The following SLC19A1 variants were observed in gnomAD, a reference collection of about 807,000 sequenced individuals.
SLC19A1 encodes solute carrier family 19 member 1.
A neutral mutation model predicts 35.3 loss-of-function variants in SLC19A1; 37 were observed. The observed-to-expected ratio is 1.05, with a 90% CI of 0.81 to 1.38. The LOEUF (loss-of-function observed/expected upper bound fraction) is 1.38. Among genes scored for constraint, SLC19A1 ranks in the 40% most tolerant of loss-of-function variants. SLC19A1 has a pLI of 0.00. For synonymous variants in SLC19A1, 460 were observed against 398.5 expected (o/e 1.15, Z -1.84); for missense variants, 831 against 826.9 (o/e 1.00, Z -0.06).
intron 3 of SLC19A1, chr21:45,504,133 C>G (rs896175759): frequency 6.7e-7 from 1 of 1,501,792 alleles, no homozygotes; most frequent in African/African-American, 1.4e-5. Context: ...ATTTCTCGCC[C>G]CATCCGGCCC....
At chr21:45,545,504 G>A (rs564171657), upstream of SLC19A1, among the ~76,000 whole-genome samples, 1 of 152,028 alleles carries the variant, frequency 6.6e-6, no homozygotes, top group African/African-American at 2.4e-5. Flanking sequence ...TGTACAGCCT[G>A]CAGAACCGTG....
chr21:45,543,751 G>A (rs2078378465), upstream of SLC19A1: 1 of 152,426 alleles, frequency 6.6e-6, no homozygotes, highest in South Asian at 2.1e-4. Context: ...GAATTTAAGG[G>A]AACACTACAG....
At chr21:45,536,333 C>T (rs1379805516) in intron 2 of SLC19A1, 4 of 152,720 alleles carry the variant, frequency 2.6e-5, no homozygotes. Context: ...TAATGCTCAC[C>T]CCTATAAATA....
chr21:45,525,694 C>T (rs879231330), intron 5 of SLC19A1, 123 bp downstream of exon 5: 1 of 1,113,548 alleles, frequency 9.0e-7, no homozygotes, highest in Non-Finnish European at 1.3e-6. Context: ...CTGGAAGCCC[C>T]AGGCCCGCAC....
chr21:45,511,239 T>C, downstream of SLC19A1: 1 of 1,440,802 alleles, frequency 6.9e-7, no homozygotes, highest in Non-Finnish European at 9.6e-7. Context: ...AGGTTCCCAG[T>C]GCCGTGTGAG....
rs1337112384 is a variant in SLC19A1, at chr21:45,517,122, G to C, written c.1294-982C>G. 1.3e-5 allele frequency among the ~76,000 whole-genome samples: 2 copies of C among 152,184 alleles called. No individual in the cohort carries two copies. Among genetic ancestry groups the C allele is most frequent in the Non-Finnish European group, 2.9e-5 (2 of 68,032 alleles). ...TGGGGAGCTGTGCCACGCAAGGACA[G>C]ACTGTGCCACGCAGAGCTCCCTGGG... On this transcript the variant is annotated intron_variant, in intron 5 of 5. Coordinates refer to ENST00000311124, the MANE Select transcript of SLC19A1 (RefSeq NM_194255.4). The surrounding 1 kb of genome is among the most constrained non-coding windows in gnomAD (Gnocchi z 4.4).
chr21:45,518,172 G>A (rs553436156), intron 5 of SLC19A1, among the ~76,000 whole-genome samples: 1 of 152,148 alleles, frequency 6.6e-6, no homozygotes, highest in South Asian at 2.1e-4. Context: ...CAAAGAAATA[G>A]GAGAAATAAA....
downstream of SLC19A1, among the ~76,000 whole-genome samples, chr21:45,509,099 G>A (rs963579920): frequency 2.0e-5 from 3 of 152,128 alleles, no homozygotes; most frequent in African/African-American, 4.8e-5. Context: ...CGTGGTGAGT[G>A]ATTGCTGCGG....
chr21:45,504,199 G>T, intron 3 of SLC19A1: 2 of 1,015,002 alleles, frequency 2.0e-6, no homozygotes, highest in Non-Finnish European at 3.0e-6. Flanking sequence ...GGTGTCGAGG[G>T]CGTCCCTCAG....
Position 45,526,606 on chromosome 21 carries a change from C to T in SLC19A1, c.1152-648G>A, listed in dbSNP as rs28665979. ...TGTTATTTTTTTTTAGATGGAGTCT[C>T]GCTCTGTTGCCCAGGCGTGCAATGG... On this transcript the variant is annotated intron_variant, in intron 4 of 5. Coordinates refer to ENST00000311124, the MANE Select transcript of SLC19A1 (RefSeq NM_194255.4). 7.7e-3 allele frequency among the ~76,000 whole-genome samples: 1,168 copies of T among 152,298 alleles called. 14 individuals carry two copies. Among genetic ancestry groups the T allele is most frequent in the African/African-American group, 0.027 (1,124 of 41,556 alleles).
chr21:45,505,486 G>T lies in SLC19A1; in HGVS notation c.498-6874C>A, dbSNP rs1370063170. ...TGCGTCCCGTGCCCTGGCTGGTTCT[G>T]CAGCCCCTGCCCCTCAGAGACACTC... On this transcript the variant is annotated intron_variant, in intron 3 of 4. Coordinates refer to the SLC19A1 transcript ENST00000417954. 2.3e-5 allele frequency: 21 copies of T among 907,790 alleles called. No homozygotes were observed. In the South Asian group the frequency reaches 2.9e-4, roughly 13 times the overall value. The allele number at this position is 907,790 out of a possible 1,614,324, so 56.2% of individuals were successfully genotyped here. A position where few individuals can be genotyped will look rare whatever the true frequency, so the allele number is the denominator to read the frequency against.
intron 1 of SLC19A1, among the ~76,000 whole-genome samples, chr21:45,538,361 G>C (rs1182448447): frequency 6.6e-6 from 1 of 152,242 alleles, no homozygotes; most frequent in Non-Finnish European, 1.5e-5. Context: ...GGCCACACTA[G>C]ACTCATGGCA....
rs2146513801 is a variant in SLC19A1 at position 45,558,096 on chromosome 21, T to C, written c.-50+4646A>G. ...ACAGCGGCGGCATCGTCTCCAAGCC[T>C]GGGCTCAGTGGTTAGCACGTCCCGT... On this transcript the variant is annotated intron_variant, in intron 1 of 5. Coordinates refer to the SLC19A1 transcript ENST00000650808. Among the ~76,000 whole-genome samples, 2 of 152,378 alleles carry C rather than the reference T, an allele frequency of 1.3e-5. 1 individual carries two copies. The highest frequency in any genetic ancestry group is 4.1e-4 in the South Asian group (2 of 4,830).
chr21:45,511,177 G>A (rs2037588230), downstream of SLC19A1: 1 of 1,601,482 alleles, frequency 6.2e-7, no homozygotes, highest in East Asian at 2.3e-5. Flanking sequence ...GAAGCCCGGG[G>A]CACGCATCTT....
chr21:45,505,886 G>A (rs1286624194), intron 3 of SLC19A1: 19 of 1,612,822 alleles, frequency 1.2e-5, no homozygotes, highest in Non-Finnish European at 1.6e-5. Flanking sequence ...GGTGCACGAG[G>A]TTCCCGAGGG....
At chr21:45,557,329 C>T (rs779085422) in intron 1 of SLC19A1, among the ~76,000 whole-genome samples, 2 of 152,190 alleles carry the variant, frequency 1.3e-5, no homozygotes, top group East Asian at 3.9e-4. Context: ...CTGGAGTCCC[C>T]GGCTTTGACC....
chr21:45,512,322 G>A, downstream of SLC19A1: 2 of 1,612,596 alleles, frequency 1.2e-6, no homozygotes, highest in Non-Finnish European at 1.7e-6. Context: ...AGGCTCCTGG[G>A]GCAGAGTGCC....
intron 2 of SLC19A1, 64 bp from the exon 3 acceptor site, chr21:45,532,212 C>G: frequency 7.1e-7 from 1 of 1,406,448 alleles, no homozygotes; most frequent in South Asian, 1.3e-5. Flanking sequence ...GCAGACACAG[C>G]CCGCCCGAGG....
chr21:45,518,149 AAC>A (rs1490122181), intron 5 of SLC19A1, among the ~76,000 whole-genome samples: 1 of 152,230 alleles, frequency 6.6e-6, no homozygotes, highest in Non-Finnish European at 1.5e-5. Flanking sequence ...CAAATGAAAA[AAC>A]ACAGTCTCAG....
Sources: allele counts gnomAD v4.1 joint callset (sites outside exome capture counted in the v4.1 genomes callset), GRCh38; gene constraint gnomAD v4.1.1; non-coding constraint Gnocchi (gnomAD v3.1); transcripts MANE v1.5; gene names NCBI Gene and HGNC (gene_info 2026-07-23, HGNC 2026-07-21).